MACROD2: variants seen among roughly 807,000 people sequenced by gnomAD.
MACROD2 encodes the protein mono-ADP ribosylhydrolase 2, also known as ADP-ribose glycohydrolase MACROD2.
In MACROD2, 36 loss-of-function variants were observed where a neutral mutation model predicts 70.4. The observed-to-expected ratio is 0.51, with a 90% confidence interval of 0.39 to 0.68. The LOEUF (loss-of-function observed/expected upper bound fraction) is 0.68, where lower values mean the gene tolerates loss of function less well. MACROD2 is among the 30% of genes least tolerant of loss of function. MACROD2 has a pLI of 0.00. For missense variants in MACROD2, 496 were observed against 538.4 expected, an observed-to-expected ratio of 0.92 and a Z score of 0.78; for synonymous variants, 172 against 178.8, an observed-to-expected ratio of 0.96 and a Z score of 0.30.
rs1269382471 is a variant in MACROD2, at chr20:15,134,290, G to A, written c.419-95650G>A. 4.6e-5 allele frequency among the ~76,000 whole-genome samples: 7 copies of A among 150,542 alleles called. No individual in the cohort carries two copies. In the East Asian group the frequency reaches 1.2e-3, roughly 26 times the overall value. On this transcript the variant is annotated intron_variant, in intron 5 of 17. Coordinates refer to ENST00000684519, the MANE Select transcript of MACROD2 (RefSeq NM_001351661.2). ...TGTAATCTCAGCACTTTGGGAGGCC[G>A]AGGCGGGCGGATCACGAGGTCAGGA...
intron 5 of MACROD2, among the ~76,000 whole-genome samples, chr20:15,020,984 G>GTGTGTATATGTATATGCATACACA (rs2075163431): frequency 1.4e-5 from 2 of 147,284 alleles, no homozygotes; most frequent in African/African-American, 2.5e-5. Context: ...ATATACACAT[G>GTGTGTATATGTATATGCATACACA]TGTGTATATG....
At chr20:14,410,928 T>C (rs1056695468) in intron 3 of MACROD2, among the ~76,000 whole-genome samples, 5 of 152,068 alleles carry the variant, frequency 3.3e-5, no homozygotes, top group African/African-American at 1.2e-4. Context: ...CCATACCAAC[T>C]TCTAGAATGG....
intron 5 of MACROD2, among the ~76,000 whole-genome samples, chr20:15,002,233 A>G (rs947941640): frequency 1.8e-4 from 28 of 152,202 alleles, no homozygotes; most frequent in African/African-American, 6.5e-4. Flanking sequence ...TCCCACCAGC[A>G]GTGTAGACAT....
intron 5 of MACROD2, among the ~76,000 whole-genome samples, chr20:14,700,882 T>A (rs909228465): frequency 1.3e-5 from 2 of 152,074 alleles, no homozygotes; most frequent in African/African-American, 2.4e-5. Flanking sequence ...TGGAGAGATT[T>A]GGCTTATTGT....
At chr20:15,894,570 T>A (rs1262840337) in intron 10 of MACROD2, among the ~76,000 whole-genome samples, 1 of 151,990 alleles carries the variant, frequency 6.6e-6, no homozygotes, top group Non-Finnish European at 1.5e-5. Context: ...AGGCTTACTG[T>A]AAGAAAGGAG....
At chr20:14,801,142 C>T (rs1333494515) in intron 5 of MACROD2, among the ~76,000 whole-genome samples, 1 of 152,146 alleles carries the variant, frequency 6.6e-6, no homozygotes, top group African/African-American at 2.4e-5. Context: ...TGGTGGAAAA[C>T]TTTTCCCTAA....
chr20:15,395,661 G>A lies in MACROD2; in HGVS notation c.541-35744G>A, dbSNP rs147678287. ...AGCAGGAAGTGAGCTGTTGTTTCCC[G>A]ACCCCCAAATTAACATATTTGACTA... On this transcript the variant is annotated intron_variant, in intron 6 of 17. Coordinates refer to ENST00000684519, the MANE Select transcript of MACROD2 (RefSeq NM_001351661.2). Among the ~76,000 whole-genome samples, 580 of 152,236 alleles carry A rather than the reference G, an allele frequency of 3.8e-3. 3 individuals are homozygous for A. Among genetic ancestry groups the A allele is most frequent in the Middle Eastern group, 0.034 (10 of 294 alleles).
At chr20:15,568,303 A>T (rs893643553) in intron 8 of MACROD2, among the ~76,000 whole-genome samples, 15 of 152,244 alleles carry the variant, frequency 9.9e-5, no homozygotes, top group African/African-American at 3.4e-4. Context: ...TAGAGGACAC[A>T]TCTGTATACA....
intron 6 of MACROD2, among the ~76,000 whole-genome samples, chr20:15,290,054 C>T (rs2077527965): frequency 6.6e-6 from 1 of 151,950 alleles, no homozygotes. Flanking sequence ...AACATGACAA[C>T]AATAACAAGA....
chr20:15,149,268 G>GAA (rs1185860600), intron 5 of MACROD2, among the ~76,000 whole-genome samples: 1 of 152,038 alleles, frequency 6.6e-6, no homozygotes, highest in East Asian at 1.9e-4. Flanking sequence ...CGATGCAAAG[G>GAA]AAATGAGAGG....
At chr20:14,754,561 C>A (rs984983104) in intron 5 of MACROD2, among the ~76,000 whole-genome samples, 1 of 151,950 alleles carries the variant, frequency 6.6e-6, no homozygotes, top group Non-Finnish European at 1.5e-5. Flanking sequence ...CACAGAGTCT[C>A]TTTTCATCTG....
At chr20:15,807,485 C>A (rs2063779683) in intron 8 of MACROD2, among the ~76,000 whole-genome samples, 1 of 152,118 alleles carries the variant, frequency 6.6e-6, no homozygotes. Flanking sequence ...AAGATATAAG[C>A]CTGCACTATC....
intron 5 of MACROD2, among the ~76,000 whole-genome samples, chr20:14,854,291 A>C (rs549167666): frequency 3.0e-4 from 46 of 152,202 alleles, no homozygotes; most frequent in Non-Finnish European, 5.3e-4. Context: ...AAGTGCAATA[A>C]TTAGTGACTA....
chr20:14,490,667 T>A (rs530951040), intron 3 of MACROD2, among the ~76,000 whole-genome samples: 1 of 152,294 alleles, frequency 6.6e-6, no homozygotes, highest in East Asian at 1.9e-4. Flanking sequence ...CTTTTCTTCT[T>A]TTCCTTTTTC....
chr20:15,444,122 T>C (rs893294827), intron 7 of MACROD2, among the ~76,000 whole-genome samples: 4 of 152,216 alleles, frequency 2.6e-5, no homozygotes, highest in African/African-American at 7.2e-5. Flanking sequence ...TTGATCTCTA[T>C]AGATTTGCCT....
chr20:16,008,210 A>G (rs2066815630), intron 15 of MACROD2, among the ~76,000 whole-genome samples: 1 of 152,212 alleles, frequency 6.6e-6, no homozygotes, highest in African/African-American at 2.4e-5. Flanking sequence ...AAGCCTTCCT[A>G]TAGCGCCCCC....
chr20:15,073,492 C>G lies in MACROD2; in HGVS notation c.419-156448C>G, dbSNP rs558836759. ...ACACACACACACACACACACACACACACACACACACACACACACGTACCAC... is the reference window on the plus strand; with the variant it reads ...ACACACACACACACACACACACACAGACACACACACACACACACGTACCAC... On this transcript the variant is annotated intron_variant, in intron 5 of 17. Coordinates refer to ENST00000684519, the MANE Select transcript of MACROD2 (RefSeq NM_001351661.2). Among the ~76,000 whole-genome samples the G allele has an allele frequency of 5.3e-3, 802 of 151,730 alleles. 9 individuals are homozygous for G. Among genetic ancestry groups the G allele is most frequent in the African/African-American group, 0.019 (780 of 41,428 alleles).
chr20:14,085,939 C>T (rs901851787), intron 3 of MACROD2, among the ~76,000 whole-genome samples: 7 of 152,054 alleles, frequency 4.6e-5, no homozygotes, highest in Non-Finnish European at 7.4e-5. Context: ...CAGTGAAAGG[C>T]GCTAGGTTGA....
intron 8 of MACROD2, among the ~76,000 whole-genome samples, chr20:15,584,745 A>T (rs2048573997): frequency 6.6e-6 from 1 of 152,180 alleles, no homozygotes; most frequent in African/African-American, 2.4e-5. Context: ...GGGCCACAGC[A>T]GCTTCCCAGC....
Sources: allele counts gnomAD v4.1 joint callset (sites outside exome capture counted in the v4.1 genomes callset), GRCh38; gene constraint gnomAD v4.1.1; transcripts MANE v1.5; gene names NCBI Gene and HGNC (gene_info 2026-07-23, HGNC 2026-07-21).